Variants in RBFOX1 observed in about 807,000 individuals in gnomAD.
The protein encoded by RBFOX1 is RNA binding protein fox-1 homolog 1.
Under a neutral mutation model 57.7 loss-of-function variants are expected in RBFOX1, and 8 were observed. The observed-to-expected ratio is 0.14, with a 90% CI of 0.08 to 0.25. The LOEUF is 0.25. Ranked by LOEUF, RBFOX1 falls within the 10% of genes least tolerant of loss-of-function variation. RBFOX1 has a pLI of 1.00. For synonymous variants in RBFOX1, 326 were observed against 222.4 expected (o/e 1.47, Z -4.15); for missense variants, 611 against 548.5 (o/e 1.11, Z -1.14).
chr16:6,339,320 T>G (rs2084196352), intron 2 of RBFOX1, among the ~76,000 whole-genome samples: 1 of 152,096 alleles, frequency 6.6e-6, no homozygotes, highest in Non-Finnish European at 1.5e-5. Context: ...GTGCTGTGAT[T>G]TTAATAGGTT....
chr16:7,033,666 G>A (rs2043417059), intron 3 of RBFOX1, among the ~76,000 whole-genome samples: 1 of 152,136 alleles, frequency 6.6e-6, no homozygotes, highest in Non-Finnish European at 1.5e-5. Context: ...AGGAAGGGAG[G>A]CTGGGATGGG....
chr16:6,040,435 C>A (rs931234688), intron 1 of RBFOX1, among the ~76,000 whole-genome samples: 1 of 152,138 alleles, frequency 6.6e-6, no homozygotes, highest in African/African-American at 2.4e-5. Context: ...TCTTAAGTAT[C>A]TCAAATAAGT....
chr16:5,323,192 G>A (rs182091132), intron 1 of RBFOX1, among the ~76,000 whole-genome samples: 119 of 152,352 alleles, frequency 7.8e-4, no homozygotes, highest in African/African-American at 2.7e-3. Flanking sequence ...TAAGAGAAAT[G>A]CATTTCTTGC....
intron 1 of RBFOX1, among the ~76,000 whole-genome samples, chr16:6,086,985 T>G (rs1442012454): frequency 6.6e-6 from 1 of 152,178 alleles, no homozygotes. Context: ...TAGCAACACA[T>G]CACTCAAGAG....
intron 4 of RBFOX1, among the ~76,000 whole-genome samples, chr16:7,393,097 C>T (rs952985734): frequency 2.0e-5 from 3 of 152,308 alleles, no homozygotes; most frequent in East Asian, 3.9e-4. Flanking sequence ...TGGTCTGGAA[C>T]TCCTGACCTC....
At chr16:6,878,061 G>A (rs1276827608) in intron 3 of RBFOX1, among the ~76,000 whole-genome samples, 4 of 152,144 alleles carry the variant, frequency 2.6e-5, no homozygotes, top group African/African-American at 9.7e-5. Context: ...AGACACACAA[G>A]GGTAGGACAG....
At chr16:7,325,216 T>C (rs544378678) in intron 4 of RBFOX1, among the ~76,000 whole-genome samples, 2 of 152,328 alleles carry the variant, frequency 1.3e-5, no homozygotes, top group African/African-American at 4.8e-5. Flanking sequence ...CACTGCAGTA[T>C]ACTGTACTTA....
intron 4 of RBFOX1, among the ~76,000 whole-genome samples, chr16:5,965,377 T>C (rs1390733775): frequency 6.6e-6 from 1 of 152,234 alleles, no homozygotes; most frequent in African/African-American, 2.4e-5. Context: ...CTTCAAAATG[T>C]GTACATATAT....
chr16:5,929,258 A>C (rs1162068604), intron 4 of RBFOX1, among the ~76,000 whole-genome samples: 1 of 152,114 alleles, frequency 6.6e-6, no homozygotes, highest in Non-Finnish European at 1.5e-5. Context: ...GGTTGAATGC[A>C]CAGGTCTCAG....
intron 3 of RBFOX1, among the ~76,000 whole-genome samples, chr16:6,970,386 T>G (rs1482085904): frequency 6.6e-6 from 1 of 152,202 alleles, no homozygotes; most frequent in Non-Finnish European, 1.5e-5. Context: ...GGTAGTGCAG[T>G]TCCCTTAATG....
intron 1 of RBFOX1, among the ~76,000 whole-genome samples, chr16:6,174,442 A>T (rs2096987542): frequency 6.6e-6 from 1 of 152,120 alleles, no homozygotes; most frequent in African/African-American, 2.4e-5. Context: ...TAAAAATACA[A>T]AAGTTAGCTG....
rs186048018 is a variant in RBFOX1 at position 5,878,109 on chromosome 16, G to T, written c.351+10774G>T. Among the ~76,000 whole-genome samples, 4 of 152,246 alleles carry T rather than the reference G, an allele frequency of 2.6e-5. No homozygotes were observed. In the East Asian group the frequency reaches 7.8e-4, roughly 30 times the overall value. The stretch of plus-strand genomic sequence containing the variant: ...AAGCTTGAAAAATAGCAAAGAGATT[G>T]CTTTGGATCGACTGTGTGTATGGAT... On this transcript the variant is annotated intron_variant, in intron 4 of 19. Transcript: ENST00000641259.
chr16:6,996,354 T>C lies in RBFOX1; in HGVS notation c.-15-55703T>C, dbSNP rs1482023996. Among the ~76,000 whole-genome samples, 5 of 152,286 alleles carry C rather than the reference T, an allele frequency of 3.3e-5. No homozygotes were observed. The East Asian group carries it at 5.8e-4, about 18-fold the overall frequency. On this transcript the variant is annotated intron_variant, in intron 3 of 15. Transcript: ENST00000550418. ...TTCGGACAGCTCTTTTTCTGTTCTGTGGTTTTGTGCATGTGTGTGTGTGCA... is the reference window on the plus strand; with the variant it reads ...TTCGGACAGCTCTTTTTCTGTTCTGCGGTTTTGTGCATGTGTGTGTGTGCA...
chr16:5,654,853 G>T (rs1316064392), intron 3 of RBFOX1, among the ~76,000 whole-genome samples: 2 of 151,174 alleles, frequency 1.3e-5, no homozygotes, highest in Middle Eastern at 3.4e-3. Context: ...GGCTTCCATT[G>T]TATTCCCCCC....
chr16:6,331,913 C>T (rs1419775937), intron 2 of RBFOX1, among the ~76,000 whole-genome samples: 1 of 152,078 alleles, frequency 6.6e-6, no homozygotes, highest in Non-Finnish European at 1.5e-5. Context: ...CCTAGGATGA[C>T]ACCATTTGTT....
At chr16:6,597,260 T>A (rs762426158) in intron 2 of RBFOX1, among the ~76,000 whole-genome samples, 3 of 152,130 alleles carry the variant, frequency 2.0e-5, no homozygotes, top group Non-Finnish European at 2.9e-5. Context: ...CACCTAGACT[T>A]TGTTTTGCAG....
intron 1 of RBFOX1, among the ~76,000 whole-genome samples, chr16:6,066,185 T>C (rs1160654328): frequency 6.6e-6 from 1 of 150,854 alleles, no homozygotes; most frequent in Non-Finnish European, 1.5e-5. Flanking sequence ...TCCCAGCTAC[T>C]TGGGAGGCTG....
At chr16:7,534,983 G>A (rs1442253268) in intron 5 of RBFOX1, among the ~76,000 whole-genome samples, 1 of 152,142 alleles carries the variant, frequency 6.6e-6, no homozygotes, top group Non-Finnish European at 1.5e-5. Context: ...TAGACACGAG[G>A]TAATTACAGC....
intron 3 of RBFOX1, among the ~76,000 whole-genome samples, chr16:6,982,709 C>T (rs553608160): frequency 3.9e-5 from 6 of 152,158 alleles, no homozygotes; most frequent in Non-Finnish European, 8.8e-5. Context: ...AGATGTGGAA[C>T]TGGCCAGGTG....
Sources: allele counts gnomAD v4.1 joint callset (sites outside exome capture counted in the v4.1 genomes callset), GRCh38; gene constraint gnomAD v4.1.1; transcripts MANE v1.5; gene names NCBI Gene and HGNC (gene_info 2026-07-23, HGNC 2026-07-21).